PRKX: variants seen among roughly 807,000 people sequenced by gnomAD.
PRKX encodes protein kinase cAMP-dependent X-linked catalytic subunit.
A neutral mutation model predicts 22.0 loss-of-function variants in PRKX; 12 were observed. The observed-to-expected ratio is 0.54, with a 90% CI of 0.35 to 0.88. PRKX has a LOEUF of 0.88. Among genes scored for constraint, PRKX ranks in the 40% least tolerant of loss-of-function variants. The probability of loss-of-function intolerance (pLI) is 0.01; values close to 1 mark genes in which losing one functional copy is unlikely to be tolerated. For synonymous variants in PRKX, 134 were observed against 137.7 expected (o/e 0.97, Z 0.19); for missense variants, 217 against 308.0 (o/e 0.70, Z 2.21).
chrX:3,609,405 T>G (rs753828107), intron 8 of PRKX, among the ~76,000 whole-genome samples: 4 of 111,425 alleles, frequency 3.6e-5, no homozygotes, highest in African/African-American at 1.3e-4. Context: ...AGATGATCCA[T>G]GCGCCTCGGC....
chrX:3,700,749 T>TTTGTTGTTGTTGTTG (rs3073363), intron 1 of PRKX, among the ~76,000 whole-genome samples: 164 of 105,508 alleles, frequency 1.6e-3, no homozygotes, highest in African/African-American at 5.5e-3. Flanking sequence ...CAGCTAATTG[T>TTTGTTGTTGTTGTTG]TTGTTGTTGT....
At chrX:3,697,891 G>C (rs1455595145) in intron 1 of PRKX, among the ~76,000 whole-genome samples, 1 of 111,712 alleles carries the variant, frequency 9.0e-6, no homozygotes, top group South Asian at 3.7e-4. Context: ...GGGAACCCCA[G>C]CTGAGAGTCA....
intron 1 of PRKX, among the ~76,000 whole-genome samples, chrX:3,700,749 T>TTTCTTGTTG (rs1555898378): frequency 2.8e-5 from 3 of 105,468 alleles, no homozygotes; most frequent in Non-Finnish European, 5.8e-5. Context: ...CAGCTAATTG[T>TTTCTTGTTG]TTGTTGTTGT....
intron 1 of PRKX, among the ~76,000 whole-genome samples, chrX:3,678,288 AT>A (rs1211638003): frequency 1.8e-5 from 2 of 112,153 alleles, no homozygotes; most frequent in Non-Finnish European, 3.8e-5. Context: ...TAATAATGCA[AT>A]GAATATGGTC....
intron 3 of PRKX, among the ~76,000 whole-genome samples, chrX:3,647,613 A>G (rs1467922788): frequency 9.4e-6 from 1 of 106,695 alleles, no homozygotes; most frequent in African/African-American, 3.3e-5. Context: ...ATATAAATTT[A>G]ATGTCGGATA....
At position 3,655,147 on chromosome X, in the gene PRKX, A is replaced by G. The variant is rs1305797726; in HGVS notation, c.599+2T>C. On this transcript the variant is annotated splice_donor_variant, in intron 3 of 8. Transcript: ENST00000262848. LOFTEE classifies it high-confidence loss of function. ...TTCCATCGGAGTTCACGTTCCTCTTACCTGTCTACCAGCTTCTTGGCGAAC... is the reference window on the plus strand; with the variant it reads ...TTCCATCGGAGTTCACGTTCCTCTTGCCTGTCTACCAGCTTCTTGGCGAAC... The G allele has an allele frequency of 1.7e-6, 2 of 1,211,119 alleles. No homozygotes were observed. Among genetic ancestry groups the G allele is most frequent in the Non-Finnish European group, 2.2e-6 (2 of 895,260 alleles).
chrX:3,669,316 CTCCATCCATCCATCCATCCA>C lies in PRKX; in HGVS notation c.335+5262_335+5281del, dbSNP rs55930956. On this transcript the variant is annotated intron_variant, in intron 2 of 8. Coordinates refer to ENST00000262848, the MANE Select transcript of PRKX (RefSeq NM_005044.5). ...ATCAAATATCTGTCTCAATGTTGAT[CTCCATCCATCCATCCATCCA>C]TCCATCCATCCATCCATCCATCCAT... Among the ~76,000 whole-genome samples the C allele has an allele frequency of 8.8e-5, 9 of 102,690 alleles. No homozygotes were observed. In the South Asian group the frequency reaches 1.9e-3, roughly 22 times the overall value. The allele number at this position is 102,690 out of a possible 115,157, so 89.2% of individuals were successfully genotyped here. A position where few individuals can be genotyped will look rare whatever the true frequency, so the allele number is the denominator to read the frequency against.
intron 5 of PRKX, among the ~76,000 whole-genome samples, chrX:3,625,925 T>C (rs1374391442): frequency 8.9e-6 from 1 of 112,059 alleles, no homozygotes; most frequent in Non-Finnish European, 1.9e-5. Context: ...ACGACCTTTA[T>C]AAAATGTGCA....
intron 1 of PRKX, among the ~76,000 whole-genome samples, chrX:3,701,701 G>T (rs1394287005): frequency 2.9e-4 from 32 of 111,494 alleles, no homozygotes; most frequent in Admixed American, 1.2e-3. Flanking sequence ...GAGATAGGAG[G>T]TCAGCACAAG....
chrX:3,689,713 C>T (rs757962168), intron 1 of PRKX, among the ~76,000 whole-genome samples: 7 of 111,575 alleles, frequency 6.3e-5, no homozygotes, highest in African/African-American at 2.0e-4. Context: ...CGCGGTGGCT[C>T]ACACCTGTAA....
At chrX:3,628,253 A>T (rs1926701330) in intron 4 of PRKX, among the ~76,000 whole-genome samples, 1 of 111,085 alleles carries the variant, frequency 9.0e-6, no homozygotes, top group South Asian at 3.8e-4. Flanking sequence ...TGGGAAGGGA[A>T]GAAGTGAGAG....
chrX:3,671,076 A>G (rs932609399), intron 2 of PRKX, among the ~76,000 whole-genome samples: 2 of 109,130 alleles, frequency 1.8e-5, no homozygotes, highest in Non-Finnish European at 3.8e-5. Context: ...TTGCTCTGTC[A>G]CCCAGGCTGC....
At chrX:3,687,013 TTTAA>T (rs1398037258) in intron 1 of PRKX, among the ~76,000 whole-genome samples, 4 of 111,791 alleles carry the variant, frequency 3.6e-5, no homozygotes, top group Admixed American at 9.6e-5. Context: ...TTTATTTATT[TTTAA>T]TTAATTAATT....
rs1928839252 is a variant in PRKX at position 3,713,532 on chromosome X, G to A, written c.-279C>T. ...CGGGACGACTGCGGGGAAGGCGGGGGCCGCGGCCCGGGCTGGGGGGGGCGA... is the reference window on the plus strand; with the variant it reads ...CGGGACGACTGCGGGGAAGGCGGGGACCGCGGCCCGGGCTGGGGGGGGCGA... On this transcript the variant is annotated 5_prime_UTR_variant, in exon 1 of 9. Coordinates refer to ENST00000262848, the MANE Select transcript of PRKX (RefSeq NM_005044.5). The A allele has an allele frequency of 1.4e-5, 3 of 212,158 alleles. No homozygotes were observed. Among genetic ancestry groups the A allele is most frequent in the Non-Finnish European group, 2.6e-5 (3 of 116,251 alleles). The allele number at this position is 212,158 out of a possible 1,213,427, so 17.5% of individuals were successfully genotyped here.
intron 1 of PRKX, among the ~76,000 whole-genome samples, chrX:3,697,694 G>A (rs757438848): frequency 1.5e-4 from 17 of 110,445 alleles, no homozygotes; most frequent in Non-Finnish European, 1.1e-4. Flanking sequence ...ACAGGTGCTC[G>A]TCGCCATGCC....
At chrX:3,641,485 T>G (rs1927077862) in intron 4 of PRKX, 1 of 178,684 alleles carries the variant, frequency 5.6e-6, no homozygotes, top group Non-Finnish European at 1.0e-5. Flanking sequence ...GGGAAAAGAG[T>G]AGAGCAAGGA....
chrX:3,633,747 C>T (rs1360961496), intron 4 of PRKX, among the ~76,000 whole-genome samples: 1 of 110,779 alleles, frequency 9.0e-6, no homozygotes, highest in Non-Finnish European at 1.9e-5. Flanking sequence ...GGAAAAACAC[C>T]CTCCTAAACT....
intron 2 of PRKX, among the ~76,000 whole-genome samples, chrX:3,669,401 A>G (rs1323526898): frequency 1.8e-5 from 2 of 112,069 alleles, no homozygotes; most frequent in African/African-American, 6.5e-5. Context: ...ACTGGGGATA[A>G]CTTTTTGTCC....
chrX:3,638,510 C>A (rs1319731602), intron 4 of PRKX, among the ~76,000 whole-genome samples: 1 of 111,450 alleles, frequency 9.0e-6, no homozygotes, highest in Non-Finnish European at 1.9e-5. Flanking sequence ...GGTGCTTTTC[C>A]TTGGGTGGAC....
Sources: gnomAD v4.1 joint callset for allele counts (sites outside exome capture counted in the v4.1 genomes callset) on GRCh38, gnomAD v4.1.1 for gene constraint, MANE v1.5 for transcripts, NCBI Gene and HGNC (gene_info 2026-07-23, HGNC 2026-07-21) for gene names.